The following PHACTR1 variants were observed in gnomAD, a reference collection of about 807,000 sequenced individuals.
PHACTR1 encodes RPEL repeat containing 1.
In PHACTR1, 16 loss-of-function variants were observed where a neutral mutation model predicts 69.2. That is an observed-to-expected ratio of 0.23 (90% CI 0.16 to 0.35). The LOEUF is 0.35. Among genes scored for constraint, PHACTR1 ranks in the 10% least tolerant of loss-of-function variants. PHACTR1 has a pLI of 1.00. For missense variants in PHACTR1, 510 were observed against 734.7 expected (o/e 0.69, Z 3.54); for synonymous variants, 312 against 284.5 (o/e 1.10, Z -0.97).
chr6:12,754,128 AT>A (rs34841058), intron 4 of PHACTR1, among the ~76,000 whole-genome samples: 1,274 of 112,368 alleles, frequency 0.011, 16 homozygotes, highest in East Asian at 0.032. Flanking sequence ...ACGCCTGGCT[AT>A]TTTTTTTTTT....
chr6:12,840,311 A>G (rs1338848176), intron 4 of PHACTR1, among the ~76,000 whole-genome samples: 1 of 152,224 alleles, frequency 6.6e-6, no homozygotes, highest in Non-Finnish European at 1.5e-5. Flanking sequence ...TATAGAATTC[A>G]TCTAAAAATG....
chr6:12,905,233 C>T (rs1281313373), intron 4 of PHACTR1, among the ~76,000 whole-genome samples: 1 of 152,126 alleles, frequency 6.6e-6, no homozygotes, highest in African/African-American at 2.4e-5. Context: ...GGGTGCAGGA[C>T]CAGTGTCCTC....
intron 4 of PHACTR1, among the ~76,000 whole-genome samples, chr6:13,036,451 G>A (rs990840056): frequency 6.6e-6 from 1 of 152,078 alleles, no homozygotes; most frequent in Non-Finnish European, 1.5e-5. Flanking sequence ...TGAACATAGG[G>A]GTCATTATCT....
At chr6:12,974,025 G>A (rs192332162) in intron 4 of PHACTR1, among the ~76,000 whole-genome samples, 27 of 147,862 alleles carry the variant, frequency 1.8e-4, no homozygotes, top group Admixed American at 1.0e-3. Flanking sequence ...GGGTTCAAGC[G>A]ATTCTCCTGC....
chr6:13,272,861 C>T lies in PHACTR1; in HGVS notation c.1393C>T (p.Arg465Trp). 5 of 1,614,016 alleles carry T rather than the reference C, an allele frequency of 3.1e-6. No homozygotes were observed. The highest frequency in any genetic ancestry group is 4.2e-6 in the Non-Finnish European group (5 of 1,179,894). Residue 465 changes from arginine (R) to tryptophan (W), a missense_variant and splice_region_variant, in exon 11 of 15, where the codon CGG becomes TGG. This residue lies in a region of PHACTR1 where 91 missense variants were observed against 203.8 expected (regional missense o/e 0.45). Transcript: ENST00000332995. Reference protein sequence around the residue: ...RQQIGTKLTRRLSQRPTAEEL... With the variant: ...RQQIGTKLTRWLSQRPTAEEL... ...ACTTTTCCTGGATTTTTTCCGTAGG[C>T]GGCTGAGCCAGAGGCCAACTGCAGA...
At chr6:12,854,876 A>G (rs775101117) in intron 4 of PHACTR1, among the ~76,000 whole-genome samples, 1 of 152,218 alleles carries the variant, frequency 6.6e-6, no homozygotes, top group East Asian at 1.9e-4. Flanking sequence ...ATTATTAAAA[A>G]GTCAAAAAAT....
chr6:12,899,494 A>G (rs1002852236), intron 4 of PHACTR1, among the ~76,000 whole-genome samples: 1 of 152,226 alleles, frequency 6.6e-6, no homozygotes, highest in Non-Finnish European at 1.5e-5. Context: ...GAATAAAACT[A>G]TAATTAAAAG....
Position 13,041,343 on chromosome 6 carries a change from C to CAT in PHACTR1, c.251-12021_251-12020insTA, listed in dbSNP as rs1561736145. On this transcript the variant is annotated intron_variant, in intron 4 of 14. Transcript: ENST00000332995. ...ACTGGTGGTAATTAAAATACATACA[C>CAT]ACACACACACACACACACACACACA... Among the ~76,000 whole-genome samples the CAT allele has an allele frequency of 8.4e-3, 1,015 of 121,406 alleles. 19 individuals carry two copies. The highest frequency in any genetic ancestry group is 0.047 in the African/African-American group (951 of 20,346). 79.6% of individuals were successfully genotyped at this position (121,406 alleles called of 152,430 possible).
At chr6:12,926,406 C>A (rs1470064071) in intron 4 of PHACTR1, among the ~76,000 whole-genome samples, 3 of 152,216 alleles carry the variant, frequency 2.0e-5, no homozygotes, top group Non-Finnish European at 2.9e-5. Context: ...CAGTTCTACC[C>A]TGTTAACCAA....
intron 5 of PHACTR1, among the ~76,000 whole-genome samples, chr6:13,081,300 G>T (rs1261136265): frequency 6.6e-6 from 1 of 152,120 alleles, no homozygotes; most frequent in Non-Finnish European, 1.5e-5. Flanking sequence ...AGAATAGATG[G>T]CCTCTGAGGC....
At chr6:13,220,421 G>A (rs1443785949) in intron 8 of PHACTR1, among the ~76,000 whole-genome samples, 1 of 152,194 alleles carries the variant, frequency 6.6e-6, no homozygotes, top group Non-Finnish European at 1.5e-5. Context: ...TAGAATGTTA[G>A]TATAAGAGGA....
intron 4 of PHACTR1, among the ~76,000 whole-genome samples, chr6:12,895,099 A>G (rs1784521522): frequency 1.3e-5 from 2 of 151,942 alleles, no homozygotes; most frequent in East Asian, 1.9e-4. Flanking sequence ...TAATATCTGT[A>G]TAATATTCTA....
chr6:12,747,037 A>T (rs538024671), intron 3 of PHACTR1, among the ~76,000 whole-genome samples: 18 of 152,338 alleles, frequency 1.2e-4, no homozygotes, highest in Admixed American at 2.0e-4. Flanking sequence ...ATTAACTTTC[A>T]TAATTCATTT....
Position 12,911,125 on chromosome 6 carries a change from C to T in PHACTR1, c.251-142240C>T, listed in dbSNP as rs527817688. Among the ~76,000 whole-genome samples, 5 of 152,318 alleles carry T rather than the reference C, an allele frequency of 3.3e-5. No homozygotes were observed. In the South Asian group the frequency reaches 1.0e-3, roughly 32 times the overall value. On this transcript the variant is annotated intron_variant, in intron 4 of 14. Coordinates refer to ENST00000332995, the MANE Select transcript of PHACTR1 (RefSeq NM_030948.6). ...CAACACTTAACAAAGCTGTGCAAAA[C>T]TGGTGCTCAGGAAATCCCTGTTGAC...
At position 13,230,529 on chromosome 6, in the gene PHACTR1, G is replaced by C. The variant is rs113562086; in HGVS notation, c.1391+336G>C. On this transcript the variant is annotated intron_variant, in intron 10 of 14. Coordinates refer to ENST00000332995, the MANE Select transcript of PHACTR1 (RefSeq NM_030948.6). ...CCATTGCACCCCAGCCTGTGTGACA[G>C]AGCAAGACTCTGTCTCAAAAAAAAA... 340 of 152,186 alleles carry C rather than the reference G, an allele frequency of 2.2e-3. 1 individual carries two copies. The highest frequency in any genetic ancestry group is 2.8e-3 in the Admixed American group (33 of 11,870). The allele number at this position is 152,186 out of a possible 1,614,324, so 9.4% of individuals were successfully genotyped here.
intron 5 of PHACTR1, among the ~76,000 whole-genome samples, chr6:13,136,917 G>T (rs117767736): frequency 6.6e-6 from 1 of 152,110 alleles, no homozygotes; most frequent in Admixed American, 6.5e-5. Context: ...AGATCAGATC[G>T]CCATAATTAC....
At position 13,283,267 on chromosome 6, in the gene PHACTR1, C is replaced by T. The variant is rs1463156753; in HGVS notation, c.1510-155C>T. 3 of 715,728 alleles carry T rather than the reference C, an allele frequency of 4.2e-6. No individual in the cohort carries two copies. The East Asian group carries it at 9.1e-5, about 22-fold the overall frequency. 44.3% of individuals were successfully genotyped at this position (715,728 alleles called of 1,614,324 possible). A position where few individuals can be genotyped will look rare whatever the true frequency, so the allele number is the denominator to read the frequency against. On this transcript the variant is annotated intron_variant, in intron 12 of 14. Coordinates refer to ENST00000332995, the MANE Select transcript of PHACTR1 (RefSeq NM_030948.6). The surrounding 1 kb of genome is among the most constrained non-coding windows in gnomAD (Gnocchi z 4.7). ...AGTCAGGAGACTTGGGTCCCCCCAC[C>T]CTGGCCCTCCCCCTGCCCCTGCCCC...
intron 7 of PHACTR1, among the ~76,000 whole-genome samples, chr6:13,200,492 G>A (rs1765065631): frequency 1.3e-5 from 2 of 152,158 alleles, no homozygotes; most frequent in South Asian, 4.1e-4. Flanking sequence ...TTCTGGTTCA[G>A]CAGGTCCAAA....
rs571043463 is a variant in PHACTR1 at position 12,827,646 on chromosome 6, T to C, written c.250+77856T>C. ...CAGATGCAAATCCAATTTACTAGGA[T>C]TGGCAGAACCTGATGTTTATGACAG... On this transcript the variant is annotated intron_variant, in intron 4 of 14. Transcript: ENST00000332995. 2.0e-5 allele frequency among the ~76,000 whole-genome samples: 3 copies of C among 152,300 alleles called. No homozygotes were observed. The East Asian group carries it at 5.8e-4, about 29-fold the overall frequency.
Sources: gnomAD v4.1 joint callset for allele counts (sites outside exome capture counted in the v4.1 genomes callset) on GRCh38, gnomAD v4.1.1 for gene constraint, gnomAD v4.1.1 regional missense constraint, Gnocchi (gnomAD v3.1) non-coding constraint, MANE v1.5 for transcripts, NCBI Gene and HGNC (gene_info 2026-07-23, HGNC 2026-07-21) for gene names.